PRTG: variants seen among roughly 807,000 people sequenced by gnomAD.
PRTG encodes immunoglobulin superfamily, DCC subclass, member 5.
Under a neutral mutation model 122.5 loss-of-function variants are expected in PRTG, and 67 were observed. That is an observed-to-expected ratio of 0.55 (90% confidence interval 0.45 to 0.67). The LOEUF is 0.67. Among genes scored for constraint, PRTG ranks in the 30% least tolerant of loss-of-function variants. PRTG has a pLI of 0.00. For missense variants in PRTG, 1,435 were observed against 1,415.4 expected, an observed-to-expected ratio of 1.01 and a Z score of -0.22; for synonymous variants, 554 against 501.1, an observed-to-expected ratio of 1.11 and a Z score of -1.41.
chr15:55,732,274 C>T (rs747955614), intron 2 of PRTG, among the ~76,000 whole-genome samples: 6 of 152,122 alleles, frequency 3.9e-5, no homozygotes, highest in South Asian at 4.2e-4. Context: ...CTGCTACCTC[C>T]GCCTCCTGGG....
Position 55,682,358 on chromosome 15 carries a change from T to A in PRTG, c.676+6A>T. ...ATAAAAATGGAAAAACCACTCTGCGTGGTACCTGGAATCACAGTTAGCGAG... is the reference window on the plus strand; with the variant it reads ...ATAAAAATGGAAAAACCACTCTGCGAGGTACCTGGAATCACAGTTAGCGAG... On this transcript the variant is annotated splice_donor_region_variant and intron_variant, in intron 4 of 19. Transcript: ENST00000389286. 6.3e-7 allele frequency: 1 copy of A among 1,588,896 alleles called. No individual in the cohort carries two copies. The highest frequency in any genetic ancestry group is 1.1e-5 in the South Asian group (1 of 87,374).
chr15:55,662,775 G>A (rs191787339), intron 11 of PRTG, among the ~76,000 whole-genome samples: 22 of 152,196 alleles, frequency 1.4e-4, no homozygotes, highest in Admixed American at 1.3e-4. Context: ...TCCTAAAAGT[G>A]ACCTAACTTC....
At chr15:55,647,684 G>A (rs765415014) in intron 11 of PRTG, among the ~76,000 whole-genome samples, 13 of 152,156 alleles carry the variant, frequency 8.5e-5, no homozygotes, top group Admixed American at 2.0e-4. Context: ...TGTGAGTAAA[G>A]GTGCCTGGGA....
chr15:55,692,963 C>A (rs1442020946), intron 2 of PRTG, among the ~76,000 whole-genome samples: 1 of 150,392 alleles, frequency 6.6e-6, no homozygotes, highest in Non-Finnish European at 1.5e-5. Flanking sequence ...GCTTCAGCCT[C>A]CCCAGTAGCT....
Position 55,638,687 on chromosome 15 carries a change from G to A in PRTG, c.2325-11C>T, listed in dbSNP as rs750588089. ...ATGTGAGTTTCTGATCTATAATAAC[G>A]AGTGATGAAGTTGTTAATGCTGGTA... On this transcript the variant is annotated splice_polypyrimidine_tract_variant and intron_variant, in intron 13 of 19. Transcript: ENST00000389286. 21 of 1,607,230 alleles carry A rather than the reference G, an allele frequency of 1.3e-5. No individual in the cohort carries two copies. The East Asian group carries it at 3.1e-4, about 24-fold the overall frequency.
intron 2 of PRTG, among the ~76,000 whole-genome samples, chr15:55,739,627 A>C (rs1027003734): frequency 7.2e-5 from 11 of 152,204 alleles, no homozygotes; most frequent in Admixed American, 6.5e-5. Context: ...GGGCATAAGG[A>C]GTTCAGTACT....
At chr15:55,707,896 T>G (rs1462655243) in intron 2 of PRTG, among the ~76,000 whole-genome samples, 1 of 152,142 alleles carries the variant, frequency 6.6e-6, no homozygotes, top group African/African-American at 2.4e-5. Context: ...ATTCACCACC[T>G]TATGCAAATT....
At chr15:55,733,158 G>A (rs991219704) in intron 2 of PRTG, among the ~76,000 whole-genome samples, 4 of 152,116 alleles carry the variant, frequency 2.6e-5, no homozygotes, top group East Asian at 3.9e-4. Context: ...GCAGTGAGCC[G>A]AGATTGCGCC....
At chr15:55,643,388 A>G (rs1433364953) in intron 11 of PRTG, among the ~76,000 whole-genome samples, 1 of 152,160 alleles carries the variant, frequency 6.6e-6, no homozygotes, top group East Asian at 1.9e-4. Context: ...AAACACCATA[A>G]GGTAGATGTT....
At position 55,740,529 on chromosome 15, in the gene PRTG, G is replaced by T; in HGVS notation, c.250C>A (p.Arg84=). ...GAGCCGTTAGAAAGAACCTCGATCC[G>T]TTTATTTTCAGACATTTTTGCTCCA... The part of the protein sequence containing the change: ...KNGAKMSENK[R]IEVLSNGSLY... Residue 84 remains arginine (R), a synonymous_variant, in exon 2 of 20, where the codon CGG becomes AGG. Coordinates refer to ENST00000389286, the MANE Select transcript of PRTG (RefSeq NM_173814.6). The T allele has an allele frequency of 6.4e-7, 1 of 1,571,778 alleles. No individual in the cohort carries two copies. Among genetic ancestry groups the T allele is most frequent in the Non-Finnish European group, 8.7e-7 (1 of 1,155,616 alleles).
intron 11 of PRTG, among the ~76,000 whole-genome samples, chr15:55,661,657 T>G (rs1355117666): frequency 3.3e-5 from 5 of 152,284 alleles, no homozygotes; most frequent in Non-Finnish European, 5.9e-5. Flanking sequence ...CTAAAAAAAG[T>G]TACTCTTCTC....
At chr15:55,679,951 T>G (rs1368621759) in intron 6 of PRTG, 103 bp downstream of exon 6, 2 of 837,240 alleles carry the variant, frequency 2.4e-6, no homozygotes, top group Admixed American at 5.3e-5. Flanking sequence ...CAATACTTCA[T>G]ATCAATGCTA....
In PRTG at chr15:55,684,014, G is replaced by C. The variant is rs1479581415; in HGVS notation, c.398-83C>G. 4 of 1,174,794 alleles carry C rather than the reference G, an allele frequency of 3.4e-6. No homozygotes were observed. The Admixed American group carries it at 8.8e-5, about 26-fold the overall frequency. 72.8% of individuals were successfully genotyped at this position (1,174,794 alleles called of 1,614,324 possible). A position where few individuals can be genotyped will look rare whatever the true frequency, so the allele number is the denominator to read the frequency against. ...AACATTACACTAGATATTACTTATT[G>C]GACTTGAACCCTTGCTTGGATATAA... On this transcript the variant is annotated intron_variant, in intron 2 of 19. Transcript: ENST00000389286.
chr15:55,722,018 C>T (rs1445938217), intron 2 of PRTG, among the ~76,000 whole-genome samples: 2 of 152,258 alleles, frequency 1.3e-5, no homozygotes, highest in Admixed American at 6.5e-5. Context: ...CCCTAACTGC[C>T]CCTTCCCCCA....
intron 2 of PRTG, chr15:55,738,132 C>G (rs1465795920): frequency 6.9e-6 from 1 of 144,576 alleles, no homozygotes; most frequent in African/African-American, 2.5e-5. Flanking sequence ...GAGCCTCCAT[C>G]ATCTAAATTT....
chr15:55,736,582 A>G (rs1208700238), intron 2 of PRTG, among the ~76,000 whole-genome samples: 1 of 152,088 alleles, frequency 6.6e-6, no homozygotes, highest in Non-Finnish European at 1.5e-5. Flanking sequence ...AAAAACCTAT[A>G]CCCTTTTAAT....
chr15:55,627,137 G>T lies in PRTG; in HGVS notation c.2807-9C>A, dbSNP rs1259079454. The T allele has an allele frequency of 1.9e-6, 3 of 1,566,914 alleles. No individual in the cohort carries two copies. The African/African-American group carries it at 4.1e-5, about 21-fold the overall frequency. ...GTAATATCCTGAATAAACTAGAAGG[G>T]AAAACACATTTACTCAGAATCAATC... On this transcript the variant is annotated splice_polypyrimidine_tract_variant and intron_variant, in intron 16 of 19. Coordinates refer to ENST00000389286, the MANE Select transcript of PRTG (RefSeq NM_173814.6).
chr15:55,676,859 TG>T (rs2059505609), intron 8 of PRTG, among the ~76,000 whole-genome samples: 1 of 152,218 alleles, frequency 6.6e-6, no homozygotes, highest in African/African-American at 2.4e-5. Context: ...TCATTCTTCT[TG>T]CTTCCATGAC....
chr15:55,644,745 T>C (rs995599502), intron 11 of PRTG, among the ~76,000 whole-genome samples: 1 of 151,950 alleles, frequency 6.6e-6, no homozygotes, highest in Non-Finnish European at 1.5e-5. Context: ...GCGTACAAGA[T>C]CCTTTCTATC....
Sources: gnomAD v4.1 joint callset for allele counts (sites outside exome capture counted in the v4.1 genomes callset) on GRCh38, gnomAD v4.1.1 for gene constraint, MANE v1.5 for transcripts, NCBI Gene and HGNC (gene_info 2026-07-23, HGNC 2026-07-21) for gene names.